TDRD5: variants seen among roughly 807,000 people sequenced by gnomAD.
TDRD5 encodes tudor domain containing 5, also known as tudor domain-containing protein 5.
A neutral mutation model predicts 120.6 loss-of-function variants in TDRD5; 41 were observed. That is an observed-to-expected ratio of 0.34 (90% confidence interval 0.26 to 0.44). TDRD5 has a LOEUF of 0.44. TDRD5 is among the 20% of genes least tolerant of loss of function. TDRD5 has a pLI of 1.00. For missense variants in TDRD5, 1,006 were observed against 1,221.2 expected, an observed-to-expected ratio of 0.82 and a Z score of 2.63; for synonymous variants, 430 against 433.7, an observed-to-expected ratio of 0.99 and a Z score of 0.11.
intron 17 of TDRD5, among the ~76,000 whole-genome samples, chr1:179,687,586 C>T (rs1165036214): frequency 6.6e-6 from 1 of 152,140 alleles, no homozygotes; most frequent in Non-Finnish European, 1.5e-5. Flanking sequence ...GAGTTCAATT[C>T]CTGGATATCC....
At chr1:179,625,198 A>G (rs530071711) in intron 6 of TDRD5, among the ~76,000 whole-genome samples, 3 of 152,060 alleles carry the variant, frequency 2.0e-5, no homozygotes, top group African/African-American at 4.8e-5. Context: ...AAGATGTATC[A>G]TAGACCTAAA....
At chr1:179,605,937 A>G (rs959548257) in intron 4 of TDRD5, among the ~76,000 whole-genome samples, 4 of 152,084 alleles carry the variant, frequency 2.6e-5, no homozygotes, top group East Asian at 1.9e-4. Context: ...GCAGTTTTCA[A>G]TTCATTTGGG....
rs200248463 is a variant in TDRD5, at chr1:179,593,471, G to C, written c.244G>C (p.Glu82Gln). 6.2e-7 allele frequency: 1 copy of C among 1,612,154 alleles called. No individual in the cohort carries two copies. Among genetic ancestry groups the C allele is most frequent in the Non-Finnish European group, 8.5e-7 (1 of 1,178,316 alleles). Residue 82 changes from glutamate (E) to glutamine (Q), a missense_variant, in exon 3 of 18, where the codon GAA becomes CAA. Physicochemically the swap from Glu to Gln is conservative, Grantham distance 29 (BLOSUM62 2). Around this residue, in one of 3 missense-constraint regions of TDRD5, gnomAD observed 445 missense variants for 515.5 expected, o/e 0.86. Transcript: ENST00000444136. The part of the protein sequence containing the change: ...GTVILKAIPD[E>Q]STKGIASLVA... ...TTTTCACGTCTCAGCCATTCCAGAT[G>C]AATCTACCAAAGGAATAGCAAGCTT... is the stretch of plus-strand genomic sequence containing the variant.
At chr1:179,672,311 G>T (rs1281888118) in intron 17 of TDRD5, among the ~76,000 whole-genome samples, 1 of 151,988 alleles carries the variant, frequency 6.6e-6, no homozygotes. Context: ...GGGTATTCTT[G>T]CAGAAGTGAG....
chr1:179,644,802 G>A (rs1678251437), intron 11 of TDRD5, among the ~76,000 whole-genome samples: 1 of 151,488 alleles, frequency 6.6e-6, no homozygotes, highest in South Asian at 2.1e-4. Context: ...TGGCTTTCTT[G>A]TTTCTATTAT....
intron 17 of TDRD5, among the ~76,000 whole-genome samples, chr1:179,683,807 G>C (rs923633933): frequency 6.8e-6 from 1 of 146,366 alleles, no homozygotes; most frequent in African/African-American, 2.4e-5. Context: ...TAGCTCACCT[G>C]AATTTTTTTT....
Position 179,641,696 on chromosome 1 carries a change from C to T in TDRD5, c.1800+1251C>T, listed in dbSNP as rs114323296. ...TTTCAGCATTACTTAAAATAGTAAT[C>T]GTAATATTTTGTATTCTGCTCTTTT... On this transcript the variant is annotated intron_variant, in intron 11 of 17. Transcript: ENST00000444136. Among the ~76,000 whole-genome samples, 339 of 152,164 alleles carry T rather than the reference C, an allele frequency of 2.2e-3. 6 individuals are homozygous for T. The highest frequency in any genetic ancestry group is 7.7e-3 in the African/African-American group (319 of 41,518).
At chr1:179,619,837 T>C (rs1355995468) in intron 5 of TDRD5, among the ~76,000 whole-genome samples, 4 of 152,068 alleles carry the variant, frequency 2.6e-5, no homozygotes, top group African/African-American at 9.7e-5. Flanking sequence ...CCCAGGCCTG[T>C]CTTGAACTCC....
Position 179,635,750 on chromosome 1 carries a change from A to G in TDRD5, c.1383A>G (p.Leu461=), listed in dbSNP as rs752290062. Reference sequence around the variant, plus strand: ...CAGACGCTGTGCCGAACAAGAAATTATGCAGACTCCCACCATTAGACACCA... The same window carrying G: ...CAGACGCTGTGCCGAACAAGAAATTGTGCAGACTCCCACCATTAGACACCA... ...IPPDAVPNKK[L]CRLPPLDTSS... The change falls in exon 9 of 18, where the codon TTA becomes TTG. Residue 461 remains leucine, a synonymous_variant. Transcript: ENST00000444136. 12 of 1,614,016 alleles carry G rather than the reference A, an allele frequency of 7.4e-6. No individual in the cohort carries two copies. In the East Asian group the frequency reaches 1.3e-4, roughly 18 times the overall value.
intron 11 of TDRD5, among the ~76,000 whole-genome samples, chr1:179,647,339 A>C (rs1471476226): frequency 2.7e-5 from 4 of 148,762 alleles, no homozygotes; most frequent in African/African-American, 9.8e-5. Context: ...TGAGAAAAAC[A>C]AGCAATGGGG....
chr1:179,629,182 G>A (rs1316315200), intron 6 of TDRD5, among the ~76,000 whole-genome samples: 1 of 151,994 alleles, frequency 6.6e-6, no homozygotes, highest in African/African-American at 2.4e-5. Flanking sequence ...CTGGAAGATG[G>A]CAGCTTACAT....
intron 4 of TDRD5, among the ~76,000 whole-genome samples, chr1:179,613,430 G>A (rs1426717868): frequency 6.6e-6 from 1 of 152,270 alleles, no homozygotes; most frequent in East Asian, 1.9e-4. Context: ...AGTCAAATAA[G>A]TCAGACCCTA....
intron 17 of TDRD5, among the ~76,000 whole-genome samples, chr1:179,685,666 A>G (rs1680665011): frequency 6.6e-6 from 1 of 152,074 alleles, no homozygotes; most frequent in South Asian, 2.1e-4. Context: ...GATTCTTCCT[A>G]TCCATGAGCA....
chr1:179,597,411 A>C (rs1184703030), intron 4 of TDRD5, among the ~76,000 whole-genome samples: 1 of 144,034 alleles, frequency 6.9e-6, no homozygotes, highest in African/African-American at 2.6e-5. Flanking sequence ...GGCTCACTGC[A>C]ACTTCCGTCT....
At chr1:179,607,341 TTTCTACATAGA>T (rs1224149642) in intron 4 of TDRD5, among the ~76,000 whole-genome samples, 1 of 152,122 alleles carries the variant, frequency 6.6e-6, no homozygotes, top group Non-Finnish European at 1.5e-5. Context: ...TCTGTCCTAT[TTTCTACATAGA>T]TGATGTGATC....
intron 17 of TDRD5, among the ~76,000 whole-genome samples, chr1:179,676,158 T>C (rs1426328102): frequency 2.0e-5 from 3 of 152,218 alleles, no homozygotes; most frequent in East Asian, 1.9e-4. Flanking sequence ...TTGTCTGATA[T>C]AAGAATAGCT....
In TDRD5 at chr1:179,687,537, G is replaced by A. The variant is rs185167294; in HGVS notation, c.2861-3159G>A. Among the ~76,000 whole-genome samples, 416 of 152,314 alleles carry A rather than the reference G, an allele frequency of 2.7e-3. 3 individuals carry two copies. The highest frequency in any genetic ancestry group is 9.5e-3 in the African/African-American group (394 of 41,566). On this transcript the variant is annotated intron_variant, in intron 17 of 17. Transcript: ENST00000444136. ...ACATTCTGTTGATTTGGAGTGGAGA[G>A]TTCTGTAGATGTCTATTAGGTCTGC...
rs202164403 is a variant in TDRD5 at position 179,635,816 on chromosome 1, T to C, written c.1449T>C (p.Pro483=). Residue 483 remains proline, a synonymous_variant, in exon 9 of 18, where the codon CCT becomes CCC. Transcript: ENST00000444136. ...TCTTTGTGGAGTATATCATCTCTCCTAGTCAATTCTACATCCGGATCTATA... is the reference window on the plus strand; with the variant it reads ...TCTTTGTGGAGTATATCATCTCTCCCAGTCAATTCTACATCCGGATCTATA... The part of the protein sequence containing the change: ...IGVFVEYIIS[P]SQFYIRIYSR... 6.2e-7 allele frequency: 1 copy of C among 1,613,950 alleles called. No homozygotes were observed. Among genetic ancestry groups the C allele is most frequent in the African/African-American group, 1.3e-5 (1 of 75,040 alleles).
intron 17 of TDRD5, among the ~76,000 whole-genome samples, chr1:179,676,378 T>TA (rs984530800): frequency 6.6e-6 from 1 of 152,258 alleles, no homozygotes; most frequent in Non-Finnish European, 1.5e-5. Context: ...TGTGAGGTAC[T>TA]ATTCTATTCA....
Sources: gnomAD v4.1 joint callset for allele counts (sites outside exome capture counted in the v4.1 genomes callset) on GRCh38, gnomAD v4.1.1 for gene constraint, gnomAD v4.1.1 regional missense constraint, MANE v1.5 for transcripts, NCBI Gene and HGNC (gene_info 2026-07-23, HGNC 2026-07-21) for gene names.